RFXANK: variants seen among roughly 807,000 people sequenced by gnomAD.
The protein encoded by RFXANK is regulatory factor X associated ankyrin containing protein.
In RFXANK, 19 loss-of-function variants were observed where a neutral mutation model predicts 34.5. The ratio of observed to expected loss-of-function variants is 0.55; its 90% CI spans 0.38 to 0.81. RFXANK has a LOEUF of 0.81. RFXANK is among the 30% of genes least tolerant of loss of function. RFXANK has a pLI of 0.00. For missense variants in RFXANK, 295 were observed against 343.5 expected (o/e 0.86, Z 1.12); for synonymous variants, 154 against 149.8 (o/e 1.03, Z -0.20).
At chr19:19,193,384 C>G (rs1360808544) in intron 2 of RFXANK, among the ~76,000 whole-genome samples, 1 of 151,404 alleles carries the variant, frequency 6.6e-6, no homozygotes, top group African/African-American at 2.4e-5. Context: ...AGACAGCTGA[C>G]CCCAGAGCCC....
At chr19:19,201,537 G>A in intron 9 of RFXANK, 112 bp from the exon 10 acceptor site, 1 of 1,604,114 alleles carries the variant, frequency 6.2e-7, no homozygotes, top group Non-Finnish European at 8.5e-7. Context: ...TGTAATGCAG[G>A]TCTCTGCAAG....
At chr19:19,199,886 G>A (rs2060672120) in intron 9 of RFXANK, among the ~76,000 whole-genome samples, 1 of 152,186 alleles carries the variant, frequency 6.6e-6, no homozygotes, top group Non-Finnish European at 1.5e-5. Flanking sequence ...CCGACCCCCT[G>A]GGGTCATGGT....
chr19:19,196,287 T>C (rs895641010), intron 3 of RFXANK, among the ~76,000 whole-genome samples: 1 of 151,976 alleles, frequency 6.6e-6, no homozygotes, highest in Non-Finnish European at 1.5e-5. Flanking sequence ...GGCAGTAGCA[T>C]GGTAGCTCAT....
In RFXANK at chr19:19,201,754, C is replaced by T. The variant is rs2060723539; in HGVS notation, c.*35C>T. 1.2e-6 allele frequency: 2 copies of T among 1,613,532 alleles called. No individual in the cohort carries two copies. The highest frequency in any genetic ancestry group is 1.3e-5 in the African/African-American group (1 of 74,938). ...GCCGGGGACTCAGACACTCAGGGAA[C>T]AAAATGGTCAGCCAGAGCTGGGGAA... On this transcript the variant is annotated 3_prime_UTR_variant, in exon 10 of 10. Transcript: ENST00000303088.
intron 6 of RFXANK, 99 bp downstream of exon 6, chr19:19,197,720 G>A (rs943636577): frequency 2.5e-5 from 27 of 1,098,346 alleles, no homozygotes; most frequent in African/African-American, 1.1e-4. Context: ...TTTGAGATGC[G>A]GCTGCTGGCT....
intron 6 of RFXANK, 72 bp downstream of exon 6, chr19:19,197,693 T>A: frequency 1.5e-6 from 2 of 1,360,538 alleles, no homozygotes; most frequent in Non-Finnish European, 2.1e-6. Flanking sequence ...TTTGGCTGTG[T>A]CTGCTGGCGC....
chr19:19,196,433 G>A (rs1448663017), intron 3 of RFXANK, among the ~76,000 whole-genome samples: 1 of 151,894 alleles, frequency 6.6e-6, no homozygotes, highest in South Asian at 2.1e-4. Flanking sequence ...GGGTATGGTG[G>A]CACCTGTAGT....
At chr19:19,198,871 G>C in intron 8 of RFXANK, 148 bp downstream of exon 8, 1 of 884,660 alleles carries the variant, frequency 1.1e-6, no homozygotes, top group Admixed American at 1.9e-5. Flanking sequence ...ATGGATCAGA[G>C]GGGAGGAGGT....
intron 9 of RFXANK, among the ~76,000 whole-genome samples, chr19:19,199,631 G>A (rs1031588347): frequency 6.6e-6 from 1 of 152,074 alleles, no homozygotes; most frequent in Non-Finnish European, 1.5e-5. Context: ...AAGGATTCTG[G>A]GGGACCTGAA....
intron 3 of RFXANK, 98 bp from the exon 4 acceptor site, chr19:19,196,865 A>AAAC: frequency 8.6e-7 from 1 of 1,164,422 alleles, no homozygotes; most frequent in East Asian, 2.3e-5. Context: ...ACTCCATCTC[A>AAAC]AACAACAACA....
chr19:19,194,241 T>C (rs1477281381), intron 3 of RFXANK, 108 bp downstream of exon 3: 3 of 1,295,436 alleles, frequency 2.3e-6, no homozygotes. Context: ...TTTTGTTTTG[T>C]TGTTTTTTGA....
chr19:19,197,848 A>T (rs1479656920), intron 6 of RFXANK, among the ~76,000 whole-genome samples: 1 of 151,850 alleles, frequency 6.6e-6, no homozygotes, highest in Non-Finnish European at 1.5e-5. Context: ...TGTCTCTACT[A>T]AAAAAATACA....
At position 19,201,797 on chromosome 19, in the gene RFXANK, A is replaced by G; in HGVS notation, c.*78A>G. On this transcript the variant is annotated 3_prime_UTR_variant, in exon 10 of 10. Transcript: ENST00000303088. ...CTGGGGAAACCCAGAACTGACTTCA[A>G]AGGCAGCTTCTGGACAGGTGGTGGG... 1 of 1,613,162 alleles carries G rather than the reference A, an allele frequency of 6.2e-7. No individual in the cohort carries two copies. The highest frequency in any genetic ancestry group is 8.5e-7 in the Non-Finnish European group (1 of 1,179,662).
Position 19,198,205 on chromosome 19 carries a change from T to C in RFXANK, c.537T>C (p.Arg179=). 2.5e-6 allele frequency: 4 copies of C among 1,614,132 alleles called. No individual in the cohort carries two copies. The highest frequency in any genetic ancestry group is 3.4e-6 in the Non-Finnish European group (4 of 1,180,024). ...YTDIVGLLLE[R]DVDINIYDWN... is the part of the protein sequence containing the mutation. ...ACATTGTGGGGCTGCTGCTGGAGCG[T>C]GACGTGGACATCAACATCTATGATT... The change falls in exon 7 of 10, where the codon CGT becomes CGC. Residue 179 remains arginine, a synonymous_variant. Coordinates refer to ENST00000303088, the MANE Select transcript of RFXANK (RefSeq NM_003721.4).
At chr19:19,198,317 A>G in intron 7 of RFXANK, 85 bp downstream of exon 7, 1 of 1,578,166 alleles carries the variant, frequency 6.3e-7, no homozygotes, top group Non-Finnish European at 8.6e-7. Flanking sequence ...TGAAAGGTGC[A>G]GGCCTGCTCT....
Position 19,192,476 on chromosome 19 carries a change from T to C in RFXANK, c.-228T>C, listed in dbSNP as rs1305359161. 1 of 338,612 alleles carries C rather than the reference T, an allele frequency of 3.0e-6. No homozygotes were observed. The allele number at this position is 338,612 out of a possible 1,614,324, so 21.0% of individuals were successfully genotyped here. A position where few individuals can be genotyped will look rare whatever the true frequency, so the allele number is the denominator to read the frequency against. On this transcript the variant is annotated 5_prime_UTR_variant, in exon 1 of 10. Coordinates refer to ENST00000303088, the MANE Select transcript of RFXANK (RefSeq NM_003721.4). ...CACTCGGGCCGCAAAAACTCCCTTC[T>C]TTAGCCCTCTGCCCCCGCCCTTGCT...
chr19:19,198,019 A>G, intron 6 of RFXANK, 88 bp from the exon 7 acceptor site: 3 of 1,557,548 alleles, frequency 1.9e-6, no homozygotes, highest in Non-Finnish European at 2.6e-6. Context: ...CTCCAAAAAA[A>G]AAAAAAAAGA....
At chr19:19,201,555 G>A in intron 9 of RFXANK, 94 bp from the exon 10 acceptor site, 2 of 1,607,448 alleles carry the variant, frequency 1.2e-6, no homozygotes, top group Non-Finnish European at 8.5e-7. Context: ...AAGGGTCCCT[G>A]TTTGTCCCCT....
intron 3 of RFXANK, among the ~76,000 whole-genome samples, 184 bp from the exon 4 acceptor site, chr19:19,196,779 C>G (rs1297840969): frequency 1.3e-5 from 2 of 151,938 alleles, no homozygotes; most frequent in Non-Finnish European, 2.9e-5. Context: ...GCACAAGAAT[C>G]GCTTGAACCC....
Sources: allele counts gnomAD v4.1 joint callset (sites outside exome capture counted in the v4.1 genomes callset), GRCh38; gene constraint gnomAD v4.1.1; transcripts MANE v1.5; gene names NCBI Gene and HGNC (gene_info 2026-07-23, HGNC 2026-07-21).